The following AK5 variants were observed in gnomAD, a reference collection of about 807,000 sequenced individuals.
AK5 encodes adenylate kinase 5.
A neutral mutation model predicts 69.5 loss-of-function variants in AK5; 27 were observed. The observed-to-expected ratio is 0.39, with a 90% CI of 0.29 to 0.54. AK5 has a LOEUF of 0.54. AK5 is among the 20% of genes least tolerant of loss of function. The pLI, the probability that AK5 is intolerant of heterozygous loss-of-function variation, is 0.71. For missense variants in AK5, 531 were observed against 700.4 expected, an observed-to-expected ratio of 0.76 and a Z score of 2.73; for synonymous variants, 260 against 244.4, an observed-to-expected ratio of 1.06 and a Z score of -0.60.
chr1:77,489,500 G>A (rs559260582), intron 10 of AK5, among the ~76,000 whole-genome samples: 1 of 152,264 alleles, frequency 6.6e-6, no homozygotes, highest in East Asian at 1.9e-4. Context: ...TTTATTGTAA[G>A]TCAATTTAAC....
intron 6 of AK5, among the ~76,000 whole-genome samples, chr1:77,358,872 G>A (rs1049228691): frequency 1.3e-5 from 2 of 150,926 alleles, no homozygotes; most frequent in Non-Finnish European, 2.9e-5. Flanking sequence ...TTATTTATAA[G>A]GATTGGTTTA....
At chr1:77,439,374 C>G (rs1481461030) in intron 8 of AK5, among the ~76,000 whole-genome samples, 4 of 152,072 alleles carry the variant, frequency 2.6e-5, no homozygotes, top group Non-Finnish European at 4.4e-5. Context: ...ATTAGGATAT[C>G]TATCACCTCA....
intron 6 of AK5, among the ~76,000 whole-genome samples, chr1:77,358,508 C>G (rs1165953706): frequency 1.3e-5 from 2 of 152,146 alleles, no homozygotes; most frequent in Non-Finnish European, 1.5e-5. Flanking sequence ...CTGCAGATCA[C>G]TCTGAGGATC....
At chr1:77,453,688 A>G (rs1384194142) in intron 8 of AK5, among the ~76,000 whole-genome samples, 1 of 152,188 alleles carries the variant, frequency 6.6e-6, no homozygotes, top group Non-Finnish European at 1.5e-5. Context: ...TCCTCTTCCA[A>G]ATCTCTAGGT....
At chr1:77,381,197 A>T (rs999268585) in intron 6 of AK5, among the ~76,000 whole-genome samples, 3 of 152,166 alleles carry the variant, frequency 2.0e-5, no homozygotes, top group Non-Finnish European at 2.9e-5. Flanking sequence ...GGAGGTGATC[A>T]GGTAATACCC....
At chr1:77,533,944 GCT>G (rs1369473045) in intron 12 of AK5, among the ~76,000 whole-genome samples, 2 of 151,750 alleles carry the variant, frequency 1.3e-5, no homozygotes, top group Non-Finnish European at 2.9e-5. Context: ...CTGCACAAAT[GCT>G]CTTTTTTTTT....
At chr1:77,481,554 A>G (rs1498399) in intron 8 of AK5, among the ~76,000 whole-genome samples, 47,557 of 152,124 alleles carry the variant, frequency 0.31, 8,010 homozygotes, top group Non-Finnish European at 0.37. Flanking sequence ...TAAACAGGAC[A>G]GCAAGAATCT....
chr1:77,425,166 C>T (rs781432393), intron 8 of AK5, among the ~76,000 whole-genome samples: 7 of 152,154 alleles, frequency 4.6e-5, no homozygotes, highest in South Asian at 2.1e-4. Context: ...ATTCTGTACT[C>T]GACAAAATTA....
chr1:77,550,923 T>A (rs1334979740), intron 13 of AK5, among the ~76,000 whole-genome samples: 1 of 152,232 alleles, frequency 6.6e-6, no homozygotes, highest in African/African-American at 2.4e-5. Flanking sequence ...CCACCTGTAA[T>A]TCCAGCACTT....
intron 7 of AK5, among the ~76,000 whole-genome samples, chr1:77,417,367 T>A (rs2100582111): frequency 6.6e-6 from 1 of 152,248 alleles, no homozygotes; most frequent in Non-Finnish European, 1.5e-5. Flanking sequence ...AGTAGCTCAC[T>A]CTCTTGGGTT....
intron 8 of AK5, among the ~76,000 whole-genome samples, chr1:77,458,744 T>C (rs1653651998): frequency 6.6e-6 from 1 of 152,192 alleles, no homozygotes; most frequent in African/African-American, 2.4e-5. Flanking sequence ...TCCCACCATA[T>C]GGGAATTATG....
chr1:77,506,853 G>A (rs946738106), intron 10 of AK5, among the ~76,000 whole-genome samples: 1 of 152,132 alleles, frequency 6.6e-6, no homozygotes, highest in Non-Finnish European at 1.5e-5. Flanking sequence ...ACAAAAATTA[G>A]TTGGGCGTGG....
intron 12 of AK5, among the ~76,000 whole-genome samples, chr1:77,529,240 C>T (rs924152867): frequency 9.2e-5 from 14 of 151,846 alleles, no homozygotes; most frequent in Non-Finnish European, 2.1e-4. Context: ...TGAGTACTTA[C>T]AATGCGCCAG....
chr1:77,298,035 G>A (rs773867163), intron 5 of AK5, 88 bp downstream of exon 5: 5 of 907,708 alleles, frequency 5.5e-6, no homozygotes, highest in Admixed American at 2.6e-5. Flanking sequence ...GAAGACTTGC[G>A]ATGCTTTTGA....
At chr1:77,504,074 T>C (rs1399285940) in intron 10 of AK5, among the ~76,000 whole-genome samples, 1 of 152,208 alleles carries the variant, frequency 6.6e-6, no homozygotes, top group African/African-American at 2.4e-5. Flanking sequence ...GCTTTTTCTG[T>C]TGTAAATTGC....
At chr1:77,446,766 C>T (rs1652780977) in intron 8 of AK5, among the ~76,000 whole-genome samples, 1 of 152,106 alleles carries the variant, frequency 6.6e-6, no homozygotes, top group African/African-American at 2.4e-5. Flanking sequence ...TTAGATGAAG[C>T]ATGTGTTAGC....
chr1:77,356,082 T>A (rs1195720458), intron 6 of AK5, among the ~76,000 whole-genome samples: 1 of 152,190 alleles, frequency 6.6e-6, no homozygotes, highest in Non-Finnish European at 1.5e-5. Flanking sequence ...ACATGCTTTG[T>A]TTTCATTTTA....
Position 77,297,619 on chromosome 1 carries a change from A to C in AK5, c.476A>C (p.Gln159Pro), listed in dbSNP as rs762115751. The C allele has an allele frequency of 6.2e-7, 1 of 1,613,942 alleles. No individual in the cohort carries two copies. Among genetic ancestry groups the C allele is most frequent in the Non-Finnish European group, 8.5e-7 (1 of 1,179,930 alleles). The change falls in exon 4 of 14, where the codon CAA becomes CCA. Residue 159 changes from glutamine (Q) to proline (P), a missense_variant. Gln to Pro is a moderately conservative substitution (Grantham distance 76). Coordinates refer to ENST00000354567, the MANE Select transcript of AK5 (RefSeq NM_174858.3). ...AAAATTGCAGAACGATATGGATTCCAATACATTTCTGTGGGAGAATTATTA... is the reference window on the plus strand; with the variant it reads ...AAAATTGCAGAACGATATGGATTCCCATACATTTCTGTGGGAGAATTATTA... ...SLKIAERYGFQYISVGELLRK... is the reference protein window; with the variant it reads ...SLKIAERYGFPYISVGELLRK...
chr1:77,488,568 G>A (rs1655749655), intron 10 of AK5, among the ~76,000 whole-genome samples: 1 of 152,166 alleles, frequency 6.6e-6, no homozygotes, highest in Non-Finnish European at 1.5e-5. Flanking sequence ...AATTTATTAA[G>A]TATTAACTTA....
Sources: allele counts gnomAD v4.1 joint callset (sites outside exome capture counted in the v4.1 genomes callset), GRCh38; gene constraint gnomAD v4.1.1; transcripts MANE v1.5; gene names NCBI Gene and HGNC (gene_info 2026-07-23, HGNC 2026-07-21).